ZNF674: variants seen among roughly 807,000 people sequenced by gnomAD.
ZNF674 encodes the protein zinc finger family member 674.
ZNF674 carries 2 observed loss-of-function variants against 7.0 expected under a neutral mutation model. The ratio of observed to expected loss-of-function variants is 0.29; its 90% CI spans 0.12 to 0.90. The LOEUF is 0.90. ZNF674 is among the 40% of genes least tolerant of loss of function. The pLI, the probability that ZNF674 is intolerant of heterozygous loss-of-function variation, is 0.57. For synonymous variants in ZNF674, 103 were observed against 145.2 expected, an observed-to-expected ratio of 0.71 and a Z score of 2.09; for missense variants, 297 against 415.5, an observed-to-expected ratio of 0.71 and a Z score of 2.48.
At chrX:46,516,874 G>A (rs1018939577) in intron 5 of ZNF674, among the ~76,000 whole-genome samples, 3 of 110,911 alleles carry the variant, frequency 2.7e-5, no homozygotes, top group African/African-American at 9.8e-5. Flanking sequence ...GCAGGCACCT[G>A]TAATCTTAGC....
chrX:46,544,834 A>G (rs1379790748), intron 1 of ZNF674, among the ~76,000 whole-genome samples: 2 of 111,803 alleles, frequency 1.8e-5, no homozygotes, highest in African/African-American at 6.5e-5. Flanking sequence ...CTGCTGTGCC[A>G]CTTTTATTCA....
At chrX:46,501,988 C>A (rs957500953) in intron 5 of ZNF674, among the ~76,000 whole-genome samples, 1 of 109,748 alleles carries the variant, frequency 9.1e-6, no homozygotes, top group Non-Finnish European at 1.9e-5. Context: ...GGAAAACCAA[C>A]TCTCATTGAG....
At chrX:46,538,332 T>C in intron 3 of ZNF674, among the ~76,000 whole-genome samples, 1 of 111,048 alleles carries the variant, frequency 9.0e-6, no homozygotes, top group Non-Finnish European at 1.9e-5. Context: ...ATATAAGCAA[T>C]AAAAGAAATC....
intron 5 of ZNF674, among the ~76,000 whole-genome samples, chrX:46,514,672 G>T (rs1941728557): frequency 1.8e-5 from 2 of 112,067 alleles, no homozygotes; most frequent in South Asian, 7.4e-4. Flanking sequence ...CATAGAGAGG[G>T]CATCAGTATT....
intron 5 of ZNF674, among the ~76,000 whole-genome samples, chrX:46,519,261 GATA>G (rs1941848958): frequency 2.1e-5 from 1 of 47,894 alleles, no homozygotes; most frequent in African/African-American, 7.9e-5. Flanking sequence ...TAGATAGATA[GATA>G]AAGATAGATG....
chrX:46,544,973 TAAAC>T (rs1243076192), intron 1 of ZNF674, among the ~76,000 whole-genome samples: 1 of 111,488 alleles, frequency 9.0e-6, no homozygotes, highest in Non-Finnish European at 1.9e-5. Context: ...ATAAACATGA[TAAAC>T]AAAGTACAGG....
intron 3 of ZNF674, among the ~76,000 whole-genome samples, chrX:46,533,829 A>AAAATATATAT (rs1415090691): frequency 7.6e-5 from 5 of 65,554 alleles, no homozygotes; most frequent in African/African-American, 4.9e-4. Context: ...AAAAAAAAAA[A>AAAATATATAT]ATATATATAT....
chrX:46,528,020 C>A, intron 5 of ZNF674: 1 of 347,551 alleles, frequency 2.9e-6, no homozygotes, highest in Non-Finnish European at 5.0e-6. Context: ...AGAAAAAGTT[C>A]TAAAAGCTTC....
chrX:46,533,838 A>T (rs1302908718), intron 3 of ZNF674, among the ~76,000 whole-genome samples: 1 of 87,365 alleles, frequency 1.1e-5, no homozygotes, highest in African/African-American at 4.4e-5. Context: ...AAATATATAT[A>T]TATATATATA....
chrX:46,516,746 C>T (rs998718186), intron 5 of ZNF674, among the ~76,000 whole-genome samples: 2 of 112,417 alleles, frequency 1.8e-5, no homozygotes, highest in African/African-American at 6.5e-5. Flanking sequence ...CCTGTAATCC[C>T]AGCACTTTGG....
In ZNF674 at chrX:46,528,444, C is replaced by G. The variant is rs1569480322; in HGVS notation, c.144G>C (p.Gly48=). ...TCACATCTGGCTTCCCAACTAGATG[C>G]CCTGTTTAGGGGACATGACATAGGA... is the stretch of plus-strand genomic sequence containing the variant. ...LENYSHLVSV[G]HLVGKPDVIF... The change falls in exon 5 of 6, where the codon GGG becomes GGC. Residue 48 remains glycine (G), a splice_region_variant and synonymous_variant. Transcript: ENST00000683375. 8.3e-7 allele frequency: 1 copy of G among 1,206,322 alleles called. No homozygotes were observed. Among genetic ancestry groups the G allele is most frequent in the East Asian group, 3.0e-5 (1 of 33,826 alleles).
intron 5 of ZNF674, among the ~76,000 whole-genome samples, chrX:46,510,265 T>A (rs1019369499): frequency 1.8e-5 from 2 of 110,404 alleles, no homozygotes; most frequent in Non-Finnish European, 1.9e-5. Flanking sequence ...ATTGTGCACA[T>A]GTACCCTAAA....
chrX:46,538,037 C>T (rs1194486813), intron 3 of ZNF674, among the ~76,000 whole-genome samples: 2 of 109,546 alleles, frequency 1.8e-5, no homozygotes, highest in Non-Finnish European at 3.8e-5. Flanking sequence ...TGCAGTGAGC[C>T]GAGATCGTGC....
chrX:46,516,651 A>G (rs758753445), intron 5 of ZNF674, among the ~76,000 whole-genome samples: 10 of 112,446 alleles, frequency 8.9e-5, no homozygotes, highest in Non-Finnish European at 1.3e-4. Context: ...GTTGGAACTG[A>G]CACCCATAGA....
chrX:46,527,865 A>G (rs2146609258), intron 5 of ZNF674: 1 of 136,398 alleles, frequency 7.3e-6, no homozygotes, highest in East Asian at 2.3e-4. Context: ...CCAACTCCAA[A>G]AAATAATGTA....
intron 5 of ZNF674, among the ~76,000 whole-genome samples, chrX:46,514,023 C>T (rs1410956992): frequency 9.0e-6 from 1 of 111,410 alleles, no homozygotes; most frequent in Non-Finnish European, 1.9e-5. Context: ...CAAGATGGCG[C>T]CATTGCTCTC....
intron 5 of ZNF674, among the ~76,000 whole-genome samples, chrX:46,511,322 CAT>C (rs1389893357): frequency 1.8e-5 from 2 of 111,944 alleles, no homozygotes; most frequent in South Asian, 7.4e-4. Flanking sequence ...TTTCTGTACA[CAT>C]GATTTTATGA....
chrX:46,528,126 G>C (rs772340883), intron 5 of ZNF674: 1 of 463,369 alleles, frequency 2.2e-6, no homozygotes, highest in East Asian at 3.7e-5. Flanking sequence ...CAGAACAAGA[G>C]TGGCCACAAT....
At chrX:46,502,823 T>G (rs1024922235) in intron 5 of ZNF674, among the ~76,000 whole-genome samples, 1 of 112,351 alleles carries the variant, frequency 8.9e-6, no homozygotes, top group Non-Finnish European at 1.9e-5. Flanking sequence ...TGCCTGTGCC[T>G]TTTTCCCTTA....
Sources: gnomAD v4.1 joint callset for allele counts (sites outside exome capture counted in the v4.1 genomes callset) on GRCh38, gnomAD v4.1.1 for gene constraint, MANE v1.5 for transcripts, NCBI Gene and HGNC (gene_info 2026-07-23, HGNC 2026-07-21) for gene names.